Variants in SUSD6 observed in about 807,000 individuals in gnomAD.
SUSD6 encodes the protein sushi domain-containing protein 6.
SUSD6 carries 16 observed loss-of-function variants against 28.4 expected under a neutral mutation model. The ratio of observed to expected loss-of-function variants is 0.56; its 90% CI spans 0.38 to 0.86. The LOEUF is 0.86. Among genes scored for constraint, SUSD6 ranks in the 40% least tolerant of loss-of-function variants. The pLI is 0.00. For missense variants in SUSD6, 341 were observed against 384.2 expected (o/e 0.89, Z 0.94); for synonymous variants, 147 against 159.6 (o/e 0.92, Z 0.59).
chr14:69,671,012 C>T (rs1885823817), intron 2 of SUSD6, among the ~76,000 whole-genome samples: 1 of 152,188 alleles, frequency 6.6e-6, no homozygotes, highest in Non-Finnish European at 1.5e-5. Flanking sequence ...AAAGTCTAAC[C>T]TTAGCCTAAG....
At chr14:69,672,665 G>A (rs540928105) in intron 2 of SUSD6, among the ~76,000 whole-genome samples, 6 of 152,342 alleles carry the variant, frequency 3.9e-5, no homozygotes, top group African/African-American at 1.4e-4. Context: ...CACAGCAGGT[G>A]CTTGGTGTAT....
intron 2 of SUSD6, among the ~76,000 whole-genome samples, chr14:69,689,314 C>T (rs922050939): frequency 6.6e-6 from 1 of 152,138 alleles, no homozygotes; most frequent in African/African-American, 2.4e-5. Flanking sequence ...ACCTGCCTAC[C>T]TTCACCTGCC....
intron 1 of SUSD6, among the ~76,000 whole-genome samples, chr14:69,621,723 C>A (rs568342315): frequency 6.6e-6 from 1 of 152,178 alleles, no homozygotes; most frequent in Non-Finnish European, 1.5e-5. Flanking sequence ...AAGTAGTTAA[C>A]ACTTTTCTCT....
chr14:69,702,422 TC>T (rs1886325122), intron 2 of SUSD6, among the ~76,000 whole-genome samples: 1 of 152,132 alleles, frequency 6.6e-6, no homozygotes, highest in Non-Finnish European at 1.5e-5. Context: ...CCTCCTCAGG[TC>T]CACTCAGACC....
intron 1 of SUSD6, among the ~76,000 whole-genome samples, chr14:69,641,019 C>G (rs946506626): frequency 6.6e-6 from 1 of 152,226 alleles, no homozygotes; most frequent in Admixed American, 6.5e-5. Flanking sequence ...GTACTCAACA[C>G]TAGGCCTTCC....
At chr14:69,644,003 C>T (rs951370965) in intron 1 of SUSD6, among the ~76,000 whole-genome samples, 11 of 152,178 alleles carry the variant, frequency 7.2e-5, no homozygotes, top group East Asian at 3.9e-4. Flanking sequence ...AGCTTATCTT[C>T]CTGTTTTATC....
chr14:69,691,124 C>G lies in SUSD6; in HGVS notation c.122-12271C>G, dbSNP rs187797911. 2.5e-3 allele frequency among the ~76,000 whole-genome samples: 377 copies of G among 152,234 alleles called. 2 individuals are homozygous for G. Among genetic ancestry groups the G allele is most frequent in the Non-Finnish European group, 2.4e-3 (163 of 68,018 alleles). On this transcript the variant is annotated intron_variant, in intron 2 of 5. Coordinates refer to ENST00000342745, the MANE Select transcript of SUSD6 (RefSeq NM_014734.4). Reference sequence around the variant, plus strand: ...TGGGAGGTTGAAGCAGGTGCATCACCTGAGGTCAGGAGTTCAAGACCAGCC... The same window carrying G: ...TGGGAGGTTGAAGCAGGTGCATCACGTGAGGTCAGGAGTTCAAGACCAGCC...
At chr14:69,688,126 T>C (rs1447136685) in intron 2 of SUSD6, among the ~76,000 whole-genome samples, 2 of 152,230 alleles carry the variant, frequency 1.3e-5, no homozygotes, top group African/African-American at 4.8e-5. Flanking sequence ...GAAGACTAGA[T>C]GTATTTACTG....
At chr14:69,687,344 C>T (rs1424743335) in intron 2 of SUSD6, among the ~76,000 whole-genome samples, 1 of 152,200 alleles carries the variant, frequency 6.6e-6, no homozygotes, top group Non-Finnish European at 1.5e-5. Context: ...CTCCTGACCT[C>T]AGGTGATCTG....
At chr14:69,631,915 G>C (rs979884895) in intron 1 of SUSD6, among the ~76,000 whole-genome samples, 2 of 152,226 alleles carry the variant, frequency 1.3e-5, no homozygotes, top group African/African-American at 4.8e-5. Flanking sequence ...GTCAGAATCT[G>C]TCACAGGTGG....
intron 1 of SUSD6, among the ~76,000 whole-genome samples, chr14:69,653,058 A>G (rs1470557576): frequency 1.3e-5 from 2 of 152,170 alleles, no homozygotes; most frequent in Non-Finnish European, 2.9e-5. Context: ...ATGAGGAAAC[A>G]GGGGCAGAGA....
At chr14:69,644,239 A>G (rs1885393932) in intron 1 of SUSD6, among the ~76,000 whole-genome samples, 1 of 152,234 alleles carries the variant, frequency 6.6e-6, no homozygotes, top group African/African-American at 2.4e-5. Flanking sequence ...GAATGAGTTC[A>G]TAAGCCCTGT....
chr14:69,673,846 C>A (rs1175678545), intron 2 of SUSD6, among the ~76,000 whole-genome samples: 2 of 152,172 alleles, frequency 1.3e-5, no homozygotes, highest in Non-Finnish European at 2.9e-5. Context: ...CTGAAGGCAC[C>A]TCATGTTACT....
intron 2 of SUSD6, among the ~76,000 whole-genome samples, chr14:69,668,832 A>G (rs1322046656): frequency 6.6e-6 from 1 of 151,574 alleles, no homozygotes; most frequent in African/African-American, 2.4e-5. Context: ...GTTTAAAAAT[A>G]TGTAGCACCC....
chr14:69,640,995 G>C (rs1299863585), intron 1 of SUSD6, among the ~76,000 whole-genome samples: 4 of 152,224 alleles, frequency 2.6e-5, no homozygotes, highest in Non-Finnish European at 5.9e-5. Flanking sequence ...TAAGGCCACA[G>C]AGTTCTCACC....
At chr14:69,660,829 A>G (rs1260901093) in intron 2 of SUSD6, among the ~76,000 whole-genome samples, 1 of 152,242 alleles carries the variant, frequency 6.6e-6, no homozygotes, top group Non-Finnish European at 1.5e-5. Flanking sequence ...ATTCATGTAT[A>G]TATTGTCTAT....
intron 2 of SUSD6, among the ~76,000 whole-genome samples, chr14:69,697,162 T>C (rs1886237405): frequency 6.6e-6 from 1 of 152,132 alleles, no homozygotes; most frequent in African/African-American, 2.4e-5. Flanking sequence ...TGGGGGAGTG[T>C]CTTTTAGCAT....
chr14:69,633,034 C>G (rs1885217569), intron 1 of SUSD6, among the ~76,000 whole-genome samples: 1 of 152,154 alleles, frequency 6.6e-6, no homozygotes, highest in African/African-American at 2.4e-5. Context: ...AGAAAAAAGC[C>G]CTATGTGTAT....
At chr14:69,674,432 G>C (rs568485554) in intron 2 of SUSD6, among the ~76,000 whole-genome samples, 1 of 151,974 alleles carries the variant, frequency 6.6e-6, no homozygotes, top group East Asian at 1.9e-4. Flanking sequence ...TGCTTCCTTT[G>C]TACTCATTTT....
Sources: allele counts gnomAD v4.1 joint callset (sites outside exome capture counted in the v4.1 genomes callset), GRCh38; gene constraint gnomAD v4.1.1; transcripts MANE v1.5; gene names NCBI Gene and HGNC (gene_info 2026-07-23, HGNC 2026-07-21).